Variants in DNAH12 observed in about 807,000 individuals in gnomAD.
DNAH12 encodes dynein axonemal heavy chain 12, also known as axonemal beta dynein heavy chain 12.
In DNAH12, 285 loss-of-function variants were observed where a neutral mutation model predicts 371.5. The ratio of observed to expected loss-of-function variants is 0.77; its 90% confidence interval spans 0.70 to 0.85. The LOEUF is 0.85. DNAH12 is among the 40% of genes least tolerant of loss of function. The pLI is 0.00. For missense variants in DNAH12, 3,611 were observed against 3,689.4 expected (o/e 0.98, Z 0.55); for synonymous variants, 1,200 against 1,213.0 (o/e 0.99, Z 0.22).
intron 57 of DNAH12, among the ~76,000 whole-genome samples, chr3:57,364,785 C>G (rs1329369196): frequency 6.6e-6 from 1 of 152,086 alleles, no homozygotes; most frequent in Non-Finnish European, 1.5e-5. Context: ...AGACAAACAA[C>G]CCCATTAAAA....
At chr3:57,507,947 G>C in intron 7 of DNAH12, 109 bp from the exon 8 acceptor site, 1 of 943,342 alleles carries the variant, frequency 1.1e-6, no homozygotes, top group Non-Finnish European at 1.5e-6. Context: ...TCAGCACTTT[G>C]GGAGGCTGAG....
At chr3:57,303,091 G>C (rs1381435559) in intron 69 of DNAH12, among the ~76,000 whole-genome samples, 1 of 151,566 alleles carries the variant, frequency 6.6e-6, no homozygotes, top group African/African-American at 2.4e-5. Context: ...TGTAATCCCA[G>C]CACTTGGAGA....
At chr3:57,432,700 C>G (rs756802462) in intron 32 of DNAH12, among the ~76,000 whole-genome samples, 7 of 151,984 alleles carry the variant, frequency 4.6e-5, no homozygotes, top group Non-Finnish European at 8.8e-5. Context: ...AGTTCAAGAG[C>G]TGGCAAAACT....
chr3:57,487,355 G>A (rs1457394068), intron 12 of DNAH12, among the ~76,000 whole-genome samples: 5 of 57,768 alleles, frequency 8.7e-5, no homozygotes, highest in Non-Finnish European at 1.4e-4. Context: ...GAGAGAGAGA[G>A]AAAGAAAGAG....
rs2065011709 is a variant in DNAH12, at chr3:57,433,315, A to G, written c.4980+52T>C. ...GAGTCCTAGTTTAGTTGCTGAACAC[A>G]TAAAATTGCTTAATCATGGCTGAAT... On this transcript the variant is annotated intron_variant, in intron 32 of 73. Transcript: ENST00000495027. The G allele has an allele frequency of 2.6e-6, 4 of 1,517,816 alleles. No homozygotes were observed. The South Asian group carries it at 3.9e-5, about 15-fold the overall frequency. 94.0% of individuals were successfully genotyped at this position (1,517,816 alleles called of 1,614,324 possible). A position where few individuals can be genotyped will look rare whatever the true frequency, so the allele number is the denominator to read the frequency against.
chr3:57,441,047 T>C (rs1014208436), intron 29 of DNAH12, among the ~76,000 whole-genome samples: 1 of 152,048 alleles, frequency 6.6e-6, no homozygotes, highest in Admixed American at 6.6e-5. Context: ...AAATAGCTGA[T>C]GACCAAGAGA....
chr3:57,519,070 ACT>A (rs2068310318), intron 4 of DNAH12, among the ~76,000 whole-genome samples: 1 of 152,184 alleles, frequency 6.6e-6, no homozygotes, highest in African/African-American at 2.4e-5. Flanking sequence ...TGAAATTGTC[ACT>A]GATTTTTATT....
intron 55 of DNAH12, among the ~76,000 whole-genome samples, chr3:57,374,774 CA>C (rs36163351): frequency 0.64 from 97,101 of 151,376 alleles, 32,057 homozygotes; most frequent in Non-Finnish European, 0.75. Context: ...AAAAATATGC[CA>C]AAAGAAGCCT....
chr3:57,515,472 T>C (rs1448378015), intron 4 of DNAH12, among the ~76,000 whole-genome samples: 2 of 152,088 alleles, frequency 1.3e-5, no homozygotes, highest in Non-Finnish European at 2.9e-5. Context: ...AAGCCAGGCC[T>C]TGTGGCGCAT....
intron 45 of DNAH12, among the ~76,000 whole-genome samples, chr3:57,388,873 G>A (rs1259274764): frequency 6.7e-6 from 1 of 150,070 alleles, no homozygotes; most frequent in Non-Finnish European, 1.5e-5. Context: ...TTGGACACAG[G>A]GTGGGGAACG....
At chr3:57,403,606 C>T in intron 42 of DNAH12, 105 bp from the exon 43 acceptor site, 2 of 1,084,604 alleles carry the variant, frequency 1.8e-6, no homozygotes, top group Non-Finnish European at 2.5e-6. Flanking sequence ...ACTCTGCTGT[C>T]CCATATGTTA....
intron 6 of DNAH12, among the ~76,000 whole-genome samples, chr3:57,508,837 A>G (rs1429258378): frequency 4.6e-5 from 7 of 152,208 alleles, no homozygotes; most frequent in Non-Finnish European, 5.9e-5. Context: ...ATCCTGGTAA[A>G]AATGAAAGAA....
At chr3:57,401,716 T>C (rs1553678743) in intron 43 of DNAH12, among the ~76,000 whole-genome samples, 1 of 150,486 alleles carries the variant, frequency 6.6e-6, no homozygotes, top group African/African-American at 2.4e-5. Context: ...AGAGTGGAGA[T>C]GAATGAAATA....
At chr3:57,450,054 C>T (rs1187314885) in intron 25 of DNAH12, among the ~76,000 whole-genome samples, 1 of 152,182 alleles carries the variant, frequency 6.6e-6, no homozygotes, top group South Asian at 2.1e-4. Flanking sequence ...TCAAGACCAG[C>T]CTGGCCAACA....
Position 57,489,565 on chromosome 3 carries a change from G to T in DNAH12, c.1458C>A (p.Ala486=). The change falls in exon 12 of 74, where the codon GCC becomes GCA. Residue 486 remains alanine (A), a synonymous_variant. Coordinates refer to ENST00000495027, the MANE Select transcript of DNAH12 (RefSeq NM_001366028.2). The part of the protein sequence containing the change: ...LKTGLTNKAK[A]FANILLNDIA... ...TGTCATTTAATAATATGTTTGCAAA[G>T]GCTTTTGCTTTATTTGTCAGGCCTG... The T allele has an allele frequency of 6.5e-7, 1 of 1,531,708 alleles. No individual in the cohort carries two copies. Among genetic ancestry groups the T allele is most frequent in the Admixed American group, 2.2e-5 (1 of 46,060 alleles). The allele number at this position is 1,531,708 out of a possible 1,614,324, so 94.9% of individuals were successfully genotyped here.
At chr3:57,460,946 T>C (rs1225755792) in intron 19 of DNAH12, among the ~76,000 whole-genome samples, 2 of 152,196 alleles carry the variant, frequency 1.3e-5, no homozygotes, top group South Asian at 4.1e-4. Flanking sequence ...TTCAAATCAA[T>C]TGATATCAGG....
intron 73 of DNAH12, among the ~76,000 whole-genome samples, chr3:57,294,930 ATTG>A (rs1018411532): frequency 3.9e-5 from 6 of 152,318 alleles, no homozygotes; most frequent in African/African-American, 1.4e-4. Flanking sequence ...ATTTTAAGAA[ATTG>A]TTGTTATTTA....
rs1278244641 is a variant in DNAH12, at chr3:57,415,579, T to C, written c.5715-15A>G. The C allele has an allele frequency of 2.0e-6, 3 of 1,519,430 alleles. No individual in the cohort carries two copies. Among genetic ancestry groups the C allele is most frequent in the Admixed American group, 5.1e-5 (2 of 39,438 alleles). 94.1% of individuals were successfully genotyped at this position (1,519,430 alleles called of 1,614,324 possible). ...AAAGGAGTGGCCTTAATGAAAACAA[T>C]GAATATATTATTCAAAATGGAAAAA... On this transcript the variant is annotated splice_polypyrimidine_tract_variant and intron_variant, in intron 37 of 73. Transcript: ENST00000495027.
chr3:57,297,176 C>G lies in DNAH12; in HGVS notation c.11395-192G>C, dbSNP rs1314134740. The G allele has an allele frequency of 8.2e-5, 48 of 583,538 alleles. No individual in the cohort carries two copies. In the East Asian group the frequency reaches 1.4e-3, roughly 17 times the overall value. 36.1% of individuals were successfully genotyped at this position (583,538 alleles called of 1,614,324 possible). A position where few individuals can be genotyped will look rare whatever the true frequency, so the allele number is the denominator to read the frequency against. On this transcript the variant is annotated intron_variant, in intron 70 of 73. Coordinates refer to ENST00000495027, the MANE Select transcript of DNAH12 (RefSeq NM_001366028.2). ...TTCCCCTTCTACTCTTCTTGGAAAA[C>G]TCAGAACAATTTGAGCATTAACGTG...
Sources: gnomAD v4.1 joint callset for allele counts (sites outside exome capture counted in the v4.1 genomes callset) on GRCh38, gnomAD v4.1.1 for gene constraint, MANE v1.5 for transcripts, NCBI Gene and HGNC (gene_info 2026-07-23, HGNC 2026-07-21) for gene names.